COL14A1: variants seen among roughly 807,000 people sequenced by gnomAD.
The protein encoded by COL14A1 is collagen type XIV alpha 1 chain.
In COL14A1, 136 loss-of-function variants were observed where a neutral mutation model predicts 230.3. That is an observed-to-expected ratio of 0.59 (90% CI 0.51 to 0.68). COL14A1 has a LOEUF of 0.68. Among genes scored for constraint, COL14A1 ranks in the 30% least tolerant of loss-of-function variants. The pLI, the probability that COL14A1 is intolerant of heterozygous loss-of-function variation, is 0.00. For synonymous variants in COL14A1, 792 were observed against 784.1 expected (o/e 1.01, Z -0.17); for missense variants, 1,976 against 2,215.8 (o/e 0.89, Z 2.17).
chr8:120,223,580 G>T (rs1427768062), intron 14 of COL14A1, among the ~76,000 whole-genome samples: 1 of 152,172 alleles, frequency 6.6e-6, no homozygotes, highest in African/African-American at 2.4e-5. Context: ...TGAGGCAAGA[G>T]AATAGCTTGA....
intron 19 of COL14A1, among the ~76,000 whole-genome samples, chr8:120,236,811 TG>T (rs1358731380): frequency 6.6e-6 from 1 of 152,154 alleles, no homozygotes; most frequent in Non-Finnish European, 1.5e-5. Flanking sequence ...AAGGCAGGCC[TG>T]GGGGTGAAAA....
chr8:120,316,042 T>C, intron 40 of COL14A1, 45 bp downstream of exon 40: 1 of 1,588,694 alleles, frequency 6.3e-7, no homozygotes, highest in Non-Finnish European at 8.6e-7. Flanking sequence ...TAGTGACCTT[T>C]TCACCAGGTC....
intron 5 of COL14A1, among the ~76,000 whole-genome samples, chr8:120,170,154 A>G (rs970830928): frequency 6.6e-6 from 1 of 152,026 alleles, no homozygotes; most frequent in African/African-American, 2.4e-5. Flanking sequence ...GCATGTGTAT[A>G]TTTTTATAGC....
intron 23 of COL14A1, among the ~76,000 whole-genome samples, chr8:120,260,144 A>G (rs1357579907): frequency 6.6e-6 from 1 of 152,176 alleles, no homozygotes; most frequent in Non-Finnish European, 1.5e-5. Context: ...CCCTTCTGAA[A>G]CTAATATTCA....
intron 2 of COL14A1, among the ~76,000 whole-genome samples, chr8:120,155,623 C>T (rs1000212606): frequency 6.6e-6 from 1 of 152,158 alleles, no homozygotes; most frequent in Non-Finnish European, 1.5e-5. Context: ...TTGTACTTTT[C>T]CACTTGATGG....
rs113826764 is a variant in COL14A1 at position 120,305,737 on chromosome 8, G to T, written c.4402-4272G>T. Among the ~76,000 whole-genome samples, 249 of 151,784 alleles carry T rather than the reference G, an allele frequency of 1.6e-3. 2 individuals are homozygous for T. Among genetic ancestry groups the T allele is most frequent in the Middle Eastern group, 0.01 (3 of 294 alleles). ...TATTTGTGTTACATATATATTTTTT[G>T]CTTGAGATTGTATTTATTTTTGTCT... is the stretch of plus-strand genomic sequence containing the variant. On this transcript the variant is annotated intron_variant, in intron 36 of 47. Transcript: ENST00000297848.
At chr8:120,207,565 A>C (rs780804687) in intron 10 of COL14A1, among the ~76,000 whole-genome samples, 6 of 152,216 alleles carry the variant, frequency 3.9e-5, no homozygotes, top group Non-Finnish European at 8.8e-5. Context: ...AAAAGCCATA[A>C]TAAAGCCGCT....
At chr8:120,360,283 T>C (rs1231441296) in intron 45 of COL14A1, among the ~76,000 whole-genome samples, 1 of 152,184 alleles carries the variant, frequency 6.6e-6, no homozygotes, top group Non-Finnish European at 1.5e-5. Flanking sequence ...GACTTGGGGT[T>C]CCTCTTGAAG....
chr8:120,224,991 A>G (rs1262130343), intron 14 of COL14A1, 97 bp from the exon 15 acceptor site: 2 of 1,144,858 alleles, frequency 1.7e-6, no homozygotes, highest in East Asian at 5.1e-5. Context: ...CAGTGTTTAT[A>G]GCTTTGCTGT....
chr8:120,125,612 GC>G (rs1459163057), intron 1 of COL14A1, among the ~76,000 whole-genome samples: 2 of 152,112 alleles, frequency 1.3e-5, no homozygotes, highest in Non-Finnish European at 2.9e-5. Context: ...GCTCCGGGAA[GC>G]TTTTCCCAGT....
chr8:120,278,196 T>G lies in COL14A1; in HGVS notation c.3299T>G (p.Ile1100Ser). 6.2e-7 allele frequency: 1 copy of G among 1,611,600 alleles called. No homozygotes were observed. The highest frequency in any genetic ancestry group is 8.5e-7 in the Non-Finnish European group (1 of 1,178,884). The change falls in exon 27 of 48, where the codon ATT becomes AGT. Residue 1100 changes from isoleucine (I) to serine (S), a missense_variant. By Grantham distance (142) the Ile-to-Ser change is moderately radical. Around this residue, in one of 3 missense-constraint regions of COL14A1, gnomAD observed 1,791 missense variants for 2,019.5 expected, o/e 0.89. Transcript: ENST00000297848. Reference protein sequence around the residue: ...YKTKETLLDAIKHISYKGGNT... With the variant: ...YKTKETLLDASKHISYKGGNT... Reference sequence around the variant, plus strand: ...ACCAAAGAGACTCTTCTTGATGCAATTAAACACATTTCATACAAAGGAGGA... The same window carrying G: ...ACCAAAGAGACTCTTCTTGATGCAAGTAAACACATTTCATACAAAGGAGGA...
intron 15 of COL14A1, among the ~76,000 whole-genome samples, 171 bp downstream of exon 15, chr8:120,225,385 T>C (rs190131318): frequency 6.6e-6 from 1 of 152,314 alleles, no homozygotes; most frequent in East Asian, 1.9e-4. Flanking sequence ...GTGTAGTGGC[T>C]AATTATTTTT....
intron 25 of COL14A1, among the ~76,000 whole-genome samples, chr8:120,267,681 A>T (rs1466557007): frequency 6.6e-6 from 1 of 151,908 alleles, no homozygotes; most frequent in Non-Finnish European, 1.5e-5. Flanking sequence ...TGCTTAATGG[A>T]TTTAGTGAAC....
At chr8:120,141,655 G>A (rs1814915763) in intron 1 of COL14A1, among the ~76,000 whole-genome samples, 1 of 152,130 alleles carries the variant, frequency 6.6e-6, no homozygotes, top group African/African-American at 2.4e-5. Context: ...GCCAAGACTA[G>A]CATAGCATTT....
Position 120,247,717 on chromosome 8 carries a change from G to A in COL14A1, c.2584G>A (p.Val862Ile), listed in dbSNP as rs760648902. 7 of 1,614,068 alleles carry A rather than the reference G, an allele frequency of 4.3e-6. 1 individual carries two copies. The South Asian group carries it at 5.5e-5, about 13-fold the overall frequency. Residue 862 changes from valine to isoleucine, a missense_variant, in exon 21 of 48, where the codon GTC becomes ATC. Transcript: ENST00000297848. ...TTCCCCGGTGAAAGGCTATAGAATT[G>A]TCTACAAACCTGTCAGTGGTAAGTA... ...PSSPVKGYRIVYKPVSVPGPT... is the reference protein window; with the variant it reads ...PSSPVKGYRIIYKPVSVPGPT...
chr8:120,230,541 T>G (rs1818235489), intron 18 of COL14A1, among the ~76,000 whole-genome samples: 1 of 152,090 alleles, frequency 6.6e-6, no homozygotes, highest in Non-Finnish European at 1.5e-5. Context: ...TTTCCTATGC[T>G]TCCCCCGTTT....
At chr8:120,241,909 A>T (rs1416366089) in intron 19 of COL14A1, among the ~76,000 whole-genome samples, 1 of 152,216 alleles carries the variant, frequency 6.6e-6, no homozygotes, top group African/African-American at 2.4e-5. Flanking sequence ...TTACAGATTG[A>T]GAATTCCTAA....
intron 40 of COL14A1, among the ~76,000 whole-genome samples, chr8:120,316,262 T>C (rs1242640042): frequency 1.3e-5 from 2 of 152,166 alleles, no homozygotes; most frequent in African/African-American, 4.8e-5. Context: ...CTGAATACAG[T>C]TTATTGTGTG....
At position 120,270,132 on chromosome 8, in the gene COL14A1, C is replaced by T. The variant is rs116570378; in HGVS notation, c.3171C>T (p.Ser1057=). 2.6e-3 allele frequency: 4,134 copies of T among 1,611,318 alleles called. 108 individuals carry two copies. The African/African-American group carries it at 0.051, about 20-fold the overall frequency. The change falls in exon 26 of 48, where the codon AGC becomes AGT. Residue 1057 remains serine, a synonymous_variant. Transcript: ENST00000297848. The part of the protein sequence containing the change: ...NFNKIISFLY[S]TVGALNKIGT... The stretch of plus-strand genomic sequence containing the variant: ...ATAAGATCATCAGCTTTCTATACAG[C>T]ACTGTTGGAGCCCTGAACAAGATTG...
Sources: gnomAD v4.1 joint callset for allele counts (sites outside exome capture counted in the v4.1 genomes callset) on GRCh38, gnomAD v4.1.1 for gene constraint, gnomAD v4.1.1 regional missense constraint, MANE v1.5 for transcripts, NCBI Gene and HGNC (gene_info 2026-07-23, HGNC 2026-07-21) for gene names.